Variants in EML6 observed in about 807,000 individuals in gnomAD.
EML6 encodes the protein EMAP like 6, also known as echinoderm microtubule-associated protein-like 6.
In EML6, 154 loss-of-function variants were observed where a neutral mutation model predicts 240.1. The ratio of observed to expected loss-of-function variants is 0.64; its 90% CI spans 0.56 to 0.73. The LOEUF (loss-of-function observed/expected upper bound fraction) is 0.73. Ranked by LOEUF, EML6 falls within the 30% of genes least tolerant of loss-of-function variation. The probability of loss-of-function intolerance (pLI) is 0.00; values close to 1 mark genes in which losing one functional copy is unlikely to be tolerated. For missense variants in EML6, 2,964 were observed against 2,474.6 expected (o/e 1.20, Z -4.20); for synonymous variants, 1,148 against 899.0 (o/e 1.28, Z -4.95).
chr2:54,950,613 C>G, intron 29 of EML6, 37 bp from the exon 30 acceptor site: 1 of 1,549,226 alleles, frequency 6.5e-7, no homozygotes, highest in Non-Finnish European at 8.7e-7. Flanking sequence ...CCCTTCCTTC[C>G]TCTGAGGGTC....
At chr2:54,732,208 T>A (rs1683206313) in intron 2 of EML6, among the ~76,000 whole-genome samples, 1 of 152,166 alleles carries the variant, frequency 6.6e-6, no homozygotes, top group Admixed American at 6.5e-5. Context: ...TATGAGTCCC[T>A]TATATATTAT....
intron 2 of EML6, among the ~76,000 whole-genome samples, chr2:54,761,264 G>C (rs1216365349): frequency 1.3e-5 from 2 of 151,840 alleles, no homozygotes; most frequent in African/African-American, 2.4e-5. Flanking sequence ...TTGCAGTTTT[G>C]TGAACCAAAA....
At chr2:54,882,058 G>A (rs1312786773) in intron 17 of EML6, 1 of 152,174 alleles carries the variant, frequency 6.6e-6, no homozygotes, top group African/African-American at 2.4e-5. Context: ...CCTGATTGGT[G>A]AGAATATTTT....
chr2:54,767,264 C>G (rs1366829881), intron 2 of EML6, among the ~76,000 whole-genome samples: 1 of 152,028 alleles, frequency 6.6e-6, no homozygotes, highest in Non-Finnish European at 1.5e-5. Context: ...AAGCCCTATT[C>G]AATGAAGAAG....
chr2:54,968,087 G>C, intron 39 of EML6, 41 bp from the exon 40 acceptor site: 1 of 1,542,810 alleles, frequency 6.5e-7, no homozygotes. Flanking sequence ...AGCCTTCGCC[G>C]TGACTTCCTT....
Position 54,898,234 on chromosome 2 carries a change from T to C in EML6, c.2983-1407T>C, listed in dbSNP as rs545309719. On this transcript the variant is annotated intron_variant, in intron 21 of 41. Transcript: ENST00000356458. ...GGTCCTTCAAGCCTGCCTCGCTTAC[T>C]GTCCGATCCTGTGTTACACGGGGAT... Among the ~76,000 whole-genome samples, 11 of 152,270 alleles carry C rather than the reference T, an allele frequency of 7.2e-5. No homozygotes were observed. In the South Asian group the frequency reaches 2.1e-3, roughly 29 times the overall value.
chr2:54,771,433 T>C (rs1432551352), intron 2 of EML6, among the ~76,000 whole-genome samples: 1 of 152,240 alleles, frequency 6.6e-6, no homozygotes. Context: ...CAAAAGCCAA[T>C]CTTTAAATTA....
At chr2:54,880,530 G>C (rs1573056329) in intron 17 of EML6, 1 of 152,318 alleles carries the variant, frequency 6.6e-6, no homozygotes, top group African/African-American at 2.4e-5. Flanking sequence ...CTAGAGACCT[G>C]GAGGAGCAGC....
intron 28 of EML6, among the ~76,000 whole-genome samples, chr2:54,947,452 T>C (rs991430439): frequency 1.3e-5 from 2 of 152,168 alleles, no homozygotes; most frequent in African/African-American, 2.4e-5. Flanking sequence ...CGTGTTTTGA[T>C]TGAAGAGTTT....
At chr2:54,757,831 T>C (rs1359594307) in intron 2 of EML6, among the ~76,000 whole-genome samples, 1 of 151,830 alleles carries the variant, frequency 6.6e-6, no homozygotes, top group East Asian at 1.9e-4. Context: ...TAGGCTTAGA[T>C]TTCTTAGGGT....
intron 14 of EML6, 43 bp downstream of exon 14, chr2:54,866,927 C>T: frequency 8.3e-7 from 1 of 1,207,512 alleles, no homozygotes; most frequent in Admixed American, 2.0e-5. Flanking sequence ...TCCTCTGTCT[C>T]TGCCTGGCTG....
intron 2 of EML6, among the ~76,000 whole-genome samples, chr2:54,784,422 T>C (rs1351875819): frequency 1.3e-5 from 2 of 152,236 alleles, no homozygotes; most frequent in Non-Finnish European, 2.9e-5. Context: ...TTACCATATG[T>C]ATTTTCAAAA....
intron 2 of EML6, among the ~76,000 whole-genome samples, chr2:54,809,835 A>G (rs1221641455): frequency 6.6e-6 from 1 of 152,194 alleles, no homozygotes; most frequent in Non-Finnish European, 1.5e-5. Flanking sequence ...TGACAAATTT[A>G]AAATAGAAGT....
intron 28 of EML6, among the ~76,000 whole-genome samples, chr2:54,945,986 T>C (rs1675677914): frequency 1.3e-5 from 2 of 152,212 alleles, no homozygotes; most frequent in African/African-American, 4.8e-5. Context: ...CAGGGCCGAC[T>C]TGTTACTCAA....
chr2:54,835,788 T>G (rs1402101251), intron 7 of EML6, among the ~76,000 whole-genome samples: 1 of 152,064 alleles, frequency 6.6e-6, no homozygotes, highest in Non-Finnish European at 1.5e-5. Flanking sequence ...CATCTATGGA[T>G]AGAGGCCAGG....
chr2:54,959,353 C>A, intron 34 of EML6, 92 bp downstream of exon 34: 2 of 1,228,048 alleles, frequency 1.6e-6, no homozygotes, highest in Non-Finnish European at 2.2e-6. Flanking sequence ...AAAATGCAGA[C>A]TGTCATCCTC....
chr2:54,891,144 G>T lies in EML6; in HGVS notation c.2529G>T (p.Trp843Cys). The T allele has an allele frequency of 6.8e-7, 1 of 1,465,452 alleles. No homozygotes were observed. The highest frequency in any genetic ancestry group is 9.2e-7 in the Non-Finnish European group (1 of 1,082,980). 90.8% of individuals were successfully genotyped at this position (1,465,452 alleles called of 1,614,324 possible). ...VTVGIKHIKF[W>C]QQAGGGFTSK... is the part of the protein sequence containing the mutation. ...TTGGGATAAAACACATCAAATTCTG[G>T]CAACAAGCAGGTACTGTCGTTTGGG... is the stretch of plus-strand genomic sequence containing the variant. The change falls in exon 18 of 42, where the codon TGG becomes TGT. Residue 843 changes from tryptophan to cysteine, a missense_variant. Coordinates refer to ENST00000356458, the MANE Select transcript of EML6 (RefSeq NM_001039753.4).
intron 26 of EML6, among the ~76,000 whole-genome samples, chr2:54,923,311 A>T (rs147762236): frequency 2.0e-3 from 296 of 151,276 alleles, no homozygotes; most frequent in African/African-American, 6.7e-3. Context: ...GTATTTAATT[A>T]TACTGTATTA....
chr2:54,804,788 C>G (rs1294949991), intron 2 of EML6, among the ~76,000 whole-genome samples: 1 of 152,174 alleles, frequency 6.6e-6, no homozygotes, highest in Non-Finnish European at 1.5e-5. Flanking sequence ...ACTGTTCTCT[C>G]TGGTGGTTAC....
Sources: allele counts gnomAD v4.1 joint callset (sites outside exome capture counted in the v4.1 genomes callset), GRCh38; gene constraint gnomAD v4.1.1; transcripts MANE v1.5; gene names NCBI Gene and HGNC (gene_info 2026-07-23, HGNC 2026-07-21).